PPRC1: variants seen among roughly 807,000 people sequenced by gnomAD.
PPRC1 encodes the protein peroxisome proliferator-activated receptor gamma coactivator-related protein 1.
Under a neutral mutation model 132.5 loss-of-function variants are expected in PPRC1, and 23 were observed. That is an observed-to-expected ratio of 0.17 (90% confidence interval 0.12 to 0.25). The LOEUF (loss-of-function observed/expected upper bound fraction) is 0.25. PPRC1 is among the 10% of genes least tolerant of loss of function. PPRC1 has a pLI of 1.00. For missense variants in PPRC1, 2,006 were observed against 2,089.1 expected, an observed-to-expected ratio of 0.96 and a Z score of 0.78; for synonymous variants, 872 against 833.5, an observed-to-expected ratio of 1.05 and a Z score of -0.80.
Position 102,138,002 on chromosome 10 carries a change from T to C in PPRC1, c.306T>C (p.Leu102=). 1 of 1,613,980 alleles carries C rather than the reference T, an allele frequency of 6.2e-7. No homozygotes were observed. Among genetic ancestry groups the C allele is most frequent in the Non-Finnish European group, 8.5e-7 (1 of 1,179,954 alleles). The stretch of plus-strand genomic sequence containing the variant: ...TGCAGAGCTACATGGATGCCTCCCT[T>C]ATCTCCCTCATTGAGGATTTTGGGA... ...GTMQSYMDAS[L]ISLIEDFGSL... Residue 102 remains leucine (L), a synonymous_variant, in exon 2 of 14, where the codon CTT becomes CTC. Coordinates refer to ENST00000278070, the MANE Select transcript of PPRC1 (RefSeq NM_015062.5).
chr10:102,127,927 G>A, the PPRC1 span, among the ~76,000 whole-genome samples: 2 of 152,102 alleles, frequency 1.3e-5, no homozygotes, highest in Non-Finnish European at 2.9e-5. Context: ...GGGCTCAAGC[G>A]ATCCTCCCAT....
chr10:102,143,180 G>C (rs904196118), intron 6 of PPRC1, 82 bp downstream of exon 6: 7 of 1,323,796 alleles, frequency 5.3e-6, no homozygotes, highest in Non-Finnish European at 7.5e-6. Flanking sequence ...GCTTAAACTA[G>C]GGTGAGAGGG....
At chr10:102,149,875 G>A in intron 13 of PPRC1, 51 bp from the exon 14 acceptor site, 1 of 1,398,116 alleles carries the variant, frequency 7.2e-7, no homozygotes, top group Non-Finnish European at 1.0e-6. Context: ...TGCAGACCCT[G>A]TGGTTGGGAA....
chr10:102,139,115 C>T lies in PPRC1; in HGVS notation c.607C>T (p.Pro203Ser), dbSNP rs750705554. ...SRGSGVEMSL[P>S]DPSWDFSPPS... Reference sequence around the variant, plus strand: ...TCTCCTGCAGGTTGAAATGTCTCTTCCAGATCCCTCTTGGGACTTCTCCCC... The same window carrying T: ...TCTCCTGCAGGTTGAAATGTCTCTTTCAGATCCCTCTTGGGACTTCTCCCC... Residue 203 changes from proline to serine, a missense_variant, in exon 5 of 14, where the codon CCA becomes TCA. This residue lies in a region of PPRC1 where 1,914 missense variants were observed against 1,917.2 expected (regional missense o/e 1.00). Transcript: ENST00000278070. 2 of 1,608,620 alleles carry T rather than the reference C, an allele frequency of 1.2e-6. No individual in the cohort carries two copies. The highest frequency in any genetic ancestry group is 1.3e-5 in the African/African-American group (1 of 74,774).
At chr10:102,120,015 CA>C in the PPRC1 span, 2 of 1,267,782 alleles carry the variant, frequency 1.6e-6, no homozygotes, top group Non-Finnish European at 2.1e-6. Context: ...AAGTTCTCGC[CA>C]AACACGGGGT....
At chr10:102,126,553 G>C in the PPRC1 span, among the ~76,000 whole-genome samples, 3 of 151,134 alleles carry the variant, frequency 2.0e-5, no homozygotes, top group Non-Finnish European at 4.4e-5. Context: ...CTGCCTCCTG[G>C]GTTCAAGCGA....
chr10:102,132,927 A>AG (rs2068572185), upstream of PPRC1: 2 of 1,168,944 alleles, frequency 1.7e-6, no homozygotes, highest in Non-Finnish European at 2.1e-6. Context: ...GCCTTCTTCC[A>AG]GGGTGCAAGT....
At chr10:102,143,989 A>C (rs930062055) in intron 6 of PPRC1, among the ~76,000 whole-genome samples, 12 of 152,236 alleles carry the variant, frequency 7.9e-5, no homozygotes, top group African/African-American at 2.9e-4. Context: ...ATCATAGATC[A>C]CCTTGAACGC....
chr10:102,120,882 G>A, the PPRC1 span, among the ~76,000 whole-genome samples: 544 of 152,292 alleles, frequency 3.6e-3, 4 homozygotes, highest in South Asian at 0.012. Context: ...GGAGGGAAAA[G>A]GGACTGCAGA....
Position 102,147,314 on chromosome 10 carries a change from CT to C in PPRC1, c.4324del (p.Ser1442ProfsTer98), listed in dbSNP as rs1251670103. ...GGGTCCAACCGGACTAGCGAAGCAT[CT>C]TCCTCATCCTCATCATCGTCTTCCT... ...SSGSNRTSEA[S>X]SSSSSSSSSS... On this transcript the variant is annotated frameshift_variant, in exon 9 of 14. Transcript: ENST00000278070. LOFTEE classifies it high-confidence loss of function. The C allele has an allele frequency of 6.2e-7, 1 of 1,612,538 alleles. No individual in the cohort carries two copies. Among genetic ancestry groups the C allele is most frequent in the Non-Finnish European group, 8.5e-7 (1 of 1,180,018 alleles).
Position 102,139,189 on chromosome 10 carries a change from C to T in PPRC1, c.681C>T (p.Pro227=), listed in dbSNP as rs1411199950. ...TSSPKLPSWR[P]PRSRPRWGQS... is the part of the protein sequence containing the mutation. ...CCCCCAAGCTTCCTAGCTGGAGACC[C>T]CCAAGATCAAGACCACGCTGGGGCC... The change falls in exon 5 of 14, where the codon CCC becomes CCT. Residue 227 remains proline, a synonymous_variant. Transcript: ENST00000278070. The T allele has an allele frequency of 1.9e-6, 3 of 1,614,040 alleles. No individual in the cohort carries two copies. The highest frequency in any genetic ancestry group is 1.3e-5 in the African/African-American group (1 of 74,920).
intron 8 of PPRC1, 63 bp downstream of exon 8, chr10:102,145,153 C>T: frequency 6.8e-7 from 1 of 1,465,784 alleles, no homozygotes; most frequent in Non-Finnish European, 9.5e-7. Flanking sequence ...GCTGAGCCTA[C>T]TCCAAATCCA....
chr10:102,120,941 C>T, the PPRC1 span, among the ~76,000 whole-genome samples: 1 of 152,154 alleles, frequency 6.6e-6, no homozygotes, highest in Non-Finnish European at 1.5e-5. Flanking sequence ...TCTGGAGGCC[C>T]CTTGTTTCGC....
rs1305820635 is a variant in PPRC1, at chr10:102,133,099, G to A, written c.31G>A (p.Val11Ile). The change falls in exon 1 of 14, where the codon GTC becomes ATC. Residue 11 changes from valine (V) to isoleucine (I), a missense_variant. Coordinates refer to ENST00000278070, the MANE Select transcript of PPRC1 (RefSeq NM_015062.5). ...GGCGCGCCGGGGACGGAGAGACGGA[G>A]TCGCGCCGCCCCCGAGTGGGGGCCC... MAARRGRRDG[V>I]APPPSGGPGP... 3.2e-6 allele frequency: 4 copies of A among 1,244,040 alleles called. No individual in the cohort carries two copies. In the African/African-American group the frequency reaches 4.7e-5, roughly 14 times the overall value. 77.1% of individuals were successfully genotyped at this position (1,244,040 alleles called of 1,614,324 possible).
Position 102,147,922 on chromosome 10 carries a change from C to A in PPRC1, c.4401-450C>A, listed in dbSNP as rs188224723. Among the ~76,000 whole-genome samples the A allele has an allele frequency of 2.0e-5, 3 of 152,056 alleles. No homozygotes were observed. The East Asian group carries it at 5.8e-4, about 29-fold the overall frequency. On this transcript the variant is annotated intron_variant, in intron 9 of 13. Transcript: ENST00000278070. ...GATGATATATGTCTTCAGAACTGGC[C>A]CATACTACAAGTCTAGCAGTTAACC...
At position 102,140,713 on chromosome 10, in the gene PPRC1, T is replaced by G; in HGVS notation, c.2205T>G (p.Ile735Met). The G allele has an allele frequency of 6.2e-7, 1 of 1,613,848 alleles. No individual in the cohort carries two copies. Among genetic ancestry groups the G allele is most frequent in the African/African-American group, 1.3e-5 (1 of 74,938 alleles). ...AAGAGGTTGTGGATTCTCTGAAAAT[T>G]GAAAGTGGTACCAGTGCTACAACCC... is the stretch of plus-strand genomic sequence containing the variant. ...EVKEVVDSLK[I>M]ESGTSATTHE... Residue 735 changes from isoleucine to methionine, a missense_variant, in exon 5 of 14, where the codon ATT (isoleucine) becomes ATG (methionine). Physicochemically the swap from Ile to Met is conservative, Grantham distance 10. Transcript: ENST00000278070.
Position 102,148,250 on chromosome 10 carries a change from C to A in PPRC1, c.4401-122C>A. 1 of 1,170,848 alleles carries A rather than the reference C, an allele frequency of 8.5e-7. No individual in the cohort carries two copies. The highest frequency in any genetic ancestry group is 1.2e-6 in the Non-Finnish European group (1 of 823,930). 72.5% of individuals were successfully genotyped at this position (1,170,848 alleles called of 1,614,324 possible). A position where few individuals can be genotyped will look rare whatever the true frequency, so the allele number is the denominator to read the frequency against. Reference sequence around the variant, plus strand: ...TGAAAATTGTTCTTCTAGACCTCTTCTACTCTGCTTTGTCTTTGGTCCTGA... The same window carrying A: ...TGAAAATTGTTCTTCTAGACCTCTTATACTCTGCTTTGTCTTTGGTCCTGA... On this transcript the variant is annotated intron_variant, in intron 9 of 13. Transcript: ENST00000278070. This position sits in a 1 kb window ranked among gnomAD's most constrained non-coding sequence, Gnocchi z 4.2.
At chr10:102,134,684 T>C (rs2068657058) in intron 1 of PPRC1, among the ~76,000 whole-genome samples, 1 of 152,120 alleles carries the variant, frequency 6.6e-6, no homozygotes, top group Admixed American at 6.5e-5. Context: ...AGGTCACATC[T>C]TTTGGGGCTG....
chr10:102,122,552 GA>G, the PPRC1 span, among the ~76,000 whole-genome samples: 63 of 151,692 alleles, frequency 4.2e-4, no homozygotes, highest in Non-Finnish European at 6.0e-4. Context: ...GGAGGAGGGG[GA>G]ATACCTACCT....
Sources: allele counts gnomAD v4.1 joint callset (sites outside exome capture counted in the v4.1 genomes callset), GRCh38; gene constraint gnomAD v4.1.1; regional missense constraint gnomAD v4.1.1; non-coding constraint Gnocchi (gnomAD v3.1); transcripts MANE v1.5; gene names NCBI Gene and HGNC (gene_info 2026-07-23, HGNC 2026-07-21).